BARD1: variants seen among roughly 807,000 people sequenced by gnomAD.
The protein encoded by BARD1 is BRCA1-associated RING domain protein 1.
A neutral mutation model predicts 77.0 loss-of-function variants in BARD1; 73 were observed. The ratio of observed to expected loss-of-function variants is 0.95; its 90% CI spans 0.79 to 1.15. BARD1 has a LOEUF of 1.15. Among genes scored for constraint, BARD1 ranks in the 50% most tolerant of loss-of-function variants. BARD1 has a pLI of 0.00. For synonymous variants in BARD1, 384 were observed against 338.0 expected (o/e 1.14, Z -1.49); for missense variants, 993 against 938.8 (o/e 1.06, Z -0.75).
At position 214,781,340 on chromosome 2, in the gene BARD1, G is replaced by T; in HGVS notation, c.534C>A (p.Asp178Glu). The change falls in exon 4 of 11, where the codon GAC becomes GAA. Residue 178 changes from aspartate to glutamate, a missense_variant. Asp to Glu is a conservative substitution (Grantham distance 45). Transcript: ENST00000260947. ...GACTTGGGGAAACAAATTCATATGA[G>T]TCTTGCTGAGCACTTGCATCTTTTT... Reference protein sequence around the residue: ...AIKKDASAQQDSYEFVSPSPP... With the variant: ...AIKKDASAQQESYEFVSPSPP... 1 of 1,613,650 alleles carries T rather than the reference G, an allele frequency of 6.2e-7. No homozygotes were observed.
At chr2:214,784,450 A>G (rs145763480) in intron 3 of BARD1, among the ~76,000 whole-genome samples, 3,913 of 152,256 alleles carry the variant, frequency 0.026, 161 homozygotes, top group African/African-American at 0.088. Flanking sequence ...TAGTTCAACC[A>G]TTGTGGAAGA....
Position 214,769,332 on chromosome 2 carries a change from G to T in BARD1, c.1315-20C>A. On this transcript the variant is annotated intron_variant, in intron 4 of 10. Transcript: ENST00000260947. ...GTCGCCCTAGAAAAATGAACAAAAC[G>T]GAAATTAAAAAGCATTAAGGAAAGA... The T allele has an allele frequency of 6.3e-7, 1 of 1,580,426 alleles. No individual in the cohort carries two copies. The highest frequency in any genetic ancestry group is 8.7e-7 in the Non-Finnish European group (1 of 1,149,798).
intron 6 of BARD1, among the ~76,000 whole-genome samples, chr2:214,763,772 G>GGTTT (rs1436810717): frequency 6.6e-6 from 1 of 152,078 alleles, no homozygotes; most frequent in Non-Finnish European, 1.5e-5. Context: ...AGATGTTAAT[G>GGTTT]GTTTATAAGG....
intron 3 of BARD1, among the ~76,000 whole-genome samples, chr2:214,786,111 G>T (rs1695264533): frequency 6.6e-6 from 1 of 151,812 alleles, no homozygotes; most frequent in Non-Finnish European, 1.5e-5. Flanking sequence ...GAAAACCAGT[G>T]GCCACTAGTC....
At chr2:214,797,817 AGT>A (rs764902487) in intron 1 of BARD1, among the ~76,000 whole-genome samples, 3 of 152,218 alleles carry the variant, frequency 2.0e-5, no homozygotes, top group Non-Finnish European at 2.9e-5. Context: ...TCAGATTAGC[AGT>A]GTGTCTGCAG....
At chr2:214,763,608 T>A (rs1180007391) in intron 6 of BARD1, among the ~76,000 whole-genome samples, 1 of 152,054 alleles carries the variant, frequency 6.6e-6, no homozygotes, top group Non-Finnish European at 1.5e-5. Context: ...CTAAAGAGGG[T>A]CAGACAGAAT....
chr2:214,796,769 T>C (rs977924253), intron 2 of BARD1: 30 of 350,926 alleles, frequency 8.5e-5, no homozygotes, highest in African/African-American at 5.5e-4. Flanking sequence ...CTGGAAAATT[T>C]AAAAACATCT....
At chr2:214,792,536 C>T (rs1695577852) in intron 2 of BARD1, 91 bp from the exon 3 acceptor site, 2 of 1,275,082 alleles carry the variant, frequency 1.6e-6, no homozygotes, top group Non-Finnish European at 2.1e-6. Flanking sequence ...ATAAATGGAG[C>T]AGAGGTTATT....
chr2:214,743,375 C>T (rs1349571786), intron 9 of BARD1, among the ~76,000 whole-genome samples: 1 of 152,218 alleles, frequency 6.6e-6, no homozygotes, highest in Non-Finnish European at 1.5e-5. Context: ...CCATCAGTTG[C>T]TTCATAAAGA....
At chr2:214,755,152 A>G (rs1251664217) in intron 6 of BARD1, among the ~76,000 whole-genome samples, 2 of 152,224 alleles carry the variant, frequency 1.3e-5, no homozygotes, top group African/African-American at 2.4e-5. Context: ...TACATACAGG[A>G]AAAGTTATGT....
intron 1 of BARD1, among the ~76,000 whole-genome samples, chr2:214,798,760 C>T (rs1021717180): frequency 9.8e-6 from 1 of 102,438 alleles, no homozygotes; most frequent in Admixed American, 1.3e-4. Context: ...CGAATAACCA[C>T]TATTAAAAAA....
chr2:214,741,258 G>C (rs1692813517), intron 9 of BARD1, among the ~76,000 whole-genome samples: 1 of 152,084 alleles, frequency 6.6e-6, no homozygotes, highest in Non-Finnish European at 1.5e-5. Flanking sequence ...ACTTAGATGA[G>C]AGTGGGGAAG....
chr2:214,779,857 G>A (rs1694898535), intron 4 of BARD1, among the ~76,000 whole-genome samples: 1 of 152,196 alleles, frequency 6.6e-6, no homozygotes, highest in African/African-American at 2.4e-5. Flanking sequence ...ACAGAGCAAA[G>A]CTTATAAAGC....
At chr2:214,735,185 C>T (rs1692518588) in intron 9 of BARD1, among the ~76,000 whole-genome samples, 2 of 152,284 alleles carry the variant, frequency 1.3e-5, no homozygotes, top group South Asian at 2.1e-4. Flanking sequence ...CCCTGAAAGG[C>T]ACATCACCAT....
At chr2:214,762,128 A>G (rs1693993996) in intron 6 of BARD1, among the ~76,000 whole-genome samples, 1 of 152,232 alleles carries the variant, frequency 6.6e-6, no homozygotes, top group African/African-American at 2.4e-5. Flanking sequence ...TTGAGCACCA[A>G]TATGACACAA....
intron 9 of BARD1, among the ~76,000 whole-genome samples, chr2:214,735,521 T>G (rs1692532992): frequency 6.6e-6 from 1 of 152,160 alleles, no homozygotes; most frequent in Non-Finnish European, 1.5e-5. Context: ...CCACAAACAA[T>G]GAGGATTTAC....
At chr2:214,779,380 C>A (rs186514464) in intron 4 of BARD1, among the ~76,000 whole-genome samples, 1 of 151,894 alleles carries the variant, frequency 6.6e-6, no homozygotes, top group African/African-American at 2.4e-5. Context: ...AGTTGTTATA[C>A]GATATTTTTT....
rs1479022953 is a variant in BARD1, at chr2:214,792,285, G to GA, written c.364+11dup. 1 of 1,612,222 alleles carries GA rather than the reference G, an allele frequency of 6.2e-7. No homozygotes were observed. Among genetic ancestry groups the GA allele is most frequent in the African/African-American group, 1.3e-5 (1 of 74,682 alleles). On this transcript the variant is annotated intron_variant, in intron 3 of 10. Transcript: ENST00000260947. ...GATGAATTTAACTAAGAGAGATAGG[G>GA]ATAGTTCTTACCTGACAGCTCATTG... is the stretch of plus-strand genomic sequence containing the variant.
At chr2:214,773,126 T>C (rs562767656) in intron 4 of BARD1, among the ~76,000 whole-genome samples, 2 of 151,686 alleles carry the variant, frequency 1.3e-5, no homozygotes, top group African/African-American at 2.4e-5. Context: ...CTTCACACAT[T>C]TGTACATACT....
Sources: gnomAD v4.1 joint callset for allele counts (sites outside exome capture counted in the v4.1 genomes callset) on GRCh38, gnomAD v4.1.1 for gene constraint, MANE v1.5 for transcripts, NCBI Gene and HGNC (gene_info 2026-07-23, HGNC 2026-07-21) for gene names.